The following CDK14 variants were observed in gnomAD, a reference collection of about 807,000 sequenced individuals.
CDK14 encodes cyclin-dependent kinase 14.
A neutral mutation model predicts 60.7 loss-of-function variants in CDK14; 34 were observed. That is an observed-to-expected ratio of 0.56 (90% CI 0.43 to 0.75). CDK14 has a LOEUF of 0.75. CDK14 is among the 30% of genes least tolerant of loss of function. The pLI, the probability that CDK14 is intolerant of heterozygous loss-of-function variation, is 0.00. For missense variants in CDK14, 482 were observed against 564.1 expected, an observed-to-expected ratio of 0.85 and a Z score of 1.47; for synonymous variants, 197 against 203.7, an observed-to-expected ratio of 0.97 and a Z score of 0.28.
At chr7:90,852,074 T>C (rs116122383) in intron 5 of CDK14, among the ~76,000 whole-genome samples, 1 of 152,148 alleles carries the variant, frequency 6.6e-6, no homozygotes, top group African/African-American at 2.4e-5. Context: ...AATTTTTATT[T>C]GTTATAGATA....
intron 4 of CDK14, among the ~76,000 whole-genome samples, chr7:90,761,529 C>A (rs559083895): frequency 1.3e-5 from 2 of 152,030 alleles, no homozygotes; most frequent in African/African-American, 2.4e-5. Flanking sequence ...TTGTTTAAAC[C>A]AGGATGGTAG....
intron 14 of CDK14, among the ~76,000 whole-genome samples, chr7:91,186,618 AC>A (rs1465361171): frequency 1.3e-5 from 2 of 150,182 alleles, no homozygotes; most frequent in East Asian, 3.9e-4. Flanking sequence ...TTTTGAGTGA[AC>A]CCTTCTCTTT....
intron 12 of CDK14, among the ~76,000 whole-genome samples, chr7:91,110,529 G>T (rs1013409462): frequency 6.6e-5 from 10 of 152,114 alleles, no homozygotes; most frequent in Non-Finnish European, 1.5e-4. Context: ...AGAAAACCAA[G>T]ATCAAAAATA....
intron 14 of CDK14, among the ~76,000 whole-genome samples, chr7:91,164,152 A>G (rs1801266696): frequency 1.3e-5 from 2 of 152,228 alleles, no homozygotes; most frequent in Non-Finnish European, 2.9e-5. Context: ...ATGTCCAATA[A>G]TAAGTGAATG....
At position 90,838,350 on chromosome 7, in the gene CDK14, G is replaced by A. The variant is rs1268036561; in HGVS notation, c.545-24825G>A. Among the ~76,000 whole-genome samples, 6 of 152,156 alleles carry A rather than the reference G, an allele frequency of 3.9e-5. No homozygotes were observed. In the East Asian group the frequency reaches 5.8e-4, roughly 15 times the overall value. ...CACCTCAGGACCCTGCGATGATTGC[G>A]TTAACTGTACAAATTGTAAAACATG... is the stretch of plus-strand genomic sequence containing the variant. On this transcript the variant is annotated intron_variant, in intron 5 of 14. Transcript: ENST00000380050.
At chr7:90,610,769 T>G (rs1799524436) in intron 2 of CDK14, among the ~76,000 whole-genome samples, 1 of 152,232 alleles carries the variant, frequency 6.6e-6, no homozygotes, top group African/African-American at 2.4e-5. Flanking sequence ...ACAAGTCATA[T>G]TAGATTAGGG....
chr7:90,717,232 T>C (rs1345397389), intron 2 of CDK14, among the ~76,000 whole-genome samples: 1 of 152,076 alleles, frequency 6.6e-6, no homozygotes, highest in African/African-American at 2.4e-5. Flanking sequence ...TATATGAGCC[T>C]ATAAACAAAA....
intron 6 of CDK14, among the ~76,000 whole-genome samples, chr7:90,876,643 G>T (rs1791572055): frequency 6.6e-6 from 1 of 152,122 alleles, no homozygotes; most frequent in African/African-American, 2.4e-5. Context: ...TGCAAAACTT[G>T]CTACCATCTG....
At chr7:90,979,606 G>A (rs1795175244) in intron 9 of CDK14, 1 of 152,122 alleles carries the variant, frequency 6.6e-6, no homozygotes, top group Admixed American at 6.6e-5. Flanking sequence ...AGTCCTAAAA[G>A]TTTACCGACC....
At chr7:90,825,234 GC>G (rs1789682354) in intron 5 of CDK14, among the ~76,000 whole-genome samples, 2 of 152,302 alleles carry the variant, frequency 1.3e-5, no homozygotes, top group Non-Finnish European at 2.9e-5. Flanking sequence ...GTCACCTACT[GC>G]AGGGCAGCCA....
chr7:90,805,592 G>C (rs58048573), intron 5 of CDK14, among the ~76,000 whole-genome samples: 1 of 151,822 alleles, frequency 6.6e-6, no homozygotes, highest in Admixed American at 6.6e-5. Context: ...TAGAATTTTT[G>C]TACTGAAAAT....
chr7:90,674,052 T>C (rs1349391936), intron 2 of CDK14, among the ~76,000 whole-genome samples: 1 of 151,284 alleles, frequency 6.6e-6, no homozygotes, highest in Admixed American at 6.6e-5. Flanking sequence ...GGAGCTTAAC[T>C]AAGTTGTCTT....
rs139246655 is a variant in CDK14, at chr7:91,162,282, A to G, written c.*28+44074A>G. ...TTCTTAGTAATCATTTAAGCCTTGTATGGAAAGGAAGTAATTTTTGTGTTT... is the reference window on the plus strand; with the variant it reads ...TTCTTAGTAATCATTTAAGCCTTGTGTGGAAAGGAAGTAATTTTTGTGTTT... On this transcript the variant is annotated intron_variant, in intron 14 of 14. Transcript: ENST00000380050. 3.6e-3 allele frequency among the ~76,000 whole-genome samples: 546 copies of G among 152,302 alleles called. 1 individual carries two copies. The highest frequency in any genetic ancestry group is 0.012 in the African/African-American group (511 of 41,564).
At chr7:91,135,949 A>T (rs1800266859) in intron 14 of CDK14, among the ~76,000 whole-genome samples, 1 of 152,154 alleles carries the variant, frequency 6.6e-6, no homozygotes, top group Admixed American at 6.6e-5. Context: ...GGTAAAACCA[A>T]CCTACACTTG....
chr7:90,695,320 T>A (rs1415019486), intron 2 of CDK14, among the ~76,000 whole-genome samples: 2 of 152,246 alleles, frequency 1.3e-5, no homozygotes, highest in Non-Finnish European at 2.9e-5. Flanking sequence ...TTGAAAAATA[T>A]TTAATGGTTT....
At chr7:91,073,322 T>A (rs1353874770) in intron 11 of CDK14, among the ~76,000 whole-genome samples, 1 of 152,180 alleles carries the variant, frequency 6.6e-6, no homozygotes, top group African/African-American at 2.4e-5. Flanking sequence ...GCAGAAACCC[T>A]GCAAGCCAGA....
chr7:90,948,533 C>CT (rs1322745773), intron 8 of CDK14, among the ~76,000 whole-genome samples: 12 of 152,340 alleles, frequency 7.9e-5, no homozygotes, highest in South Asian at 6.2e-4. Context: ...TTAACCTAGT[C>CT]TGTCCCAGGA....
At chr7:90,968,403 C>T (rs1210630527) in intron 9 of CDK14, among the ~76,000 whole-genome samples, 1 of 152,210 alleles carries the variant, frequency 6.6e-6, no homozygotes, top group Non-Finnish European at 1.5e-5. Flanking sequence ...TAGTATGTGA[C>T]AGTCGCTTAG....
chr7:90,726,843 T>TAA (rs772411945), intron 3 of CDK14, 31 bp downstream of exon 3: 8 of 1,610,542 alleles, frequency 5.0e-6, no homozygotes, highest in Non-Finnish European at 4.2e-6. Flanking sequence ...TATCACTGGG[T>TAA]AAACAGAAGG....
Sources: gnomAD v4.1 joint callset for allele counts (sites outside exome capture counted in the v4.1 genomes callset) on GRCh38, gnomAD v4.1.1 for gene constraint, MANE v1.5 for transcripts, NCBI Gene and HGNC (gene_info 2026-07-23, HGNC 2026-07-21) for gene names.